TIA1: variants seen among roughly 807,000 people sequenced by gnomAD.
TIA1 encodes the protein cytotoxic granule associated RNA binding protein TIA1.
Under a neutral mutation model 65.9 loss-of-function variants are expected in TIA1, and 23 were observed. The observed-to-expected ratio is 0.35, with a 90% CI of 0.25 to 0.49. The LOEUF is 0.49. TIA1 is among the 20% of genes least tolerant of loss of function. The pLI is 0.98. For synonymous variants in TIA1, 147 were observed against 149.4 expected, an observed-to-expected ratio of 0.98 and a Z score of 0.12; for missense variants, 371 against 477.9, an observed-to-expected ratio of 0.78 and a Z score of 2.09.
At chr2:70,236,262 G>A in intron 1 of TIA1, 87 bp from the exon 2 acceptor site, 5 of 807,242 alleles carry the variant, frequency 6.2e-6, no homozygotes, top group East Asian at 2.8e-5. Context: ...GCAATGGCAC[G>A]ATCTCGGCTC....
At position 70,215,379 on chromosome 2, in the gene TIA1, C is replaced by A. The variant is rs144296151; in HGVS notation, c.880G>T (p.Val294Leu). The A allele has an allele frequency of 6.2e-7, 1 of 1,613,884 alleles. No homozygotes were observed. Among genetic ancestry groups the A allele is most frequent in the Non-Finnish European group, 8.5e-7 (1 of 1,179,950 alleles). ...GTTAAGAACCCTCTCACCTGTTGCA[C>A]GGGATTTATCATATCAAGAGTTTCT... ...GKETLDMINPVQQQNQIGYPQ... is the reference protein window; with the variant it reads ...GKETLDMINPLQQQNQIGYPQ... The change falls in exon 11 of 13, where the codon GTG becomes TTG. Residue 294 changes from valine (V) to leucine (L), a missense_variant. Transcript: ENST00000433529.
intron 7 of TIA1, 187 bp from the exon 8 acceptor site, chr2:70,217,181 T>C (rs1291477143): frequency 2.2e-6 from 1 of 459,476 alleles, no homozygotes; most frequent in Non-Finnish European, 3.5e-6. Context: ...TTTATTTTAT[T>C]TATTTTTTCA....
intron 8 of TIA1, 46 bp from the exon 9 acceptor site, chr2:70,216,545 T>C: frequency 6.4e-7 from 1 of 1,557,912 alleles, no homozygotes; most frequent in East Asian, 2.2e-5. Context: ...AAATAAAATG[T>C]GCAGAAAGAG....
chr2:70,241,305 G>A (rs1050020333), intron 1 of TIA1, among the ~76,000 whole-genome samples: 15 of 152,100 alleles, frequency 9.9e-5, no homozygotes, highest in African/African-American at 3.6e-4. Flanking sequence ...AGCTGGGCTT[G>A]GTGGCGTGTG....
At chr2:70,237,930 G>C (rs530668658) in intron 1 of TIA1, among the ~76,000 whole-genome samples, 1 of 152,114 alleles carries the variant, frequency 6.6e-6, no homozygotes, top group African/African-American at 2.4e-5. Flanking sequence ...GGGAGGCCGA[G>C]GTGGGCGGAT....
At chr2:70,247,259 A>C (rs1558994059) in intron 1 of TIA1, among the ~76,000 whole-genome samples, 2 of 152,246 alleles carry the variant, frequency 1.3e-5, no homozygotes. Context: ...CAATCTATTA[A>C]GAAAACAAGT....
At chr2:70,241,265 C>A (rs907669090) in intron 1 of TIA1, among the ~76,000 whole-genome samples, 5 of 151,970 alleles carry the variant, frequency 3.3e-5, no homozygotes, top group Admixed American at 6.6e-5. Context: ...CATAGTGAAA[C>A]CCCGTCTCTA....
chr2:70,224,704 C>T (rs1683062877), intron 6 of TIA1, 75 bp from the exon 7 acceptor site: 15 of 1,562,802 alleles, frequency 9.6e-6, no homozygotes, highest in African/African-American at 1.4e-5. Flanking sequence ...TCACACACAA[C>T]TCATTCTCAT....
At chr2:70,232,866 T>C (rs1374195556) in intron 2 of TIA1, among the ~76,000 whole-genome samples, 3 of 150,070 alleles carry the variant, frequency 2.0e-5, no homozygotes, top group Non-Finnish European at 3.0e-5. Context: ...AGACTCTGTC[T>C]CAAAAAAAAA....
At chr2:70,225,948 C>T (rs1558826439) in intron 6 of TIA1, among the ~76,000 whole-genome samples, 1 of 152,222 alleles carries the variant, frequency 6.6e-6, no homozygotes, top group East Asian at 1.9e-4. Context: ...CTGATATTTG[C>T]ACTTTTTAGA....
chr2:70,227,831 G>T lies in TIA1; in HGVS notation c.311-9C>A. 4 of 1,555,566 alleles carry T rather than the reference G, an allele frequency of 2.6e-6. No individual in the cohort carries two copies. The highest frequency in any genetic ancestry group is 1.8e-5 in the Admixed American group (1 of 55,322). On this transcript the variant is annotated splice_polypyrimidine_tract_variant and intron_variant, in intron 5 of 12. Transcript: ENST00000433529. ...AAAGACATGGAAATGATCTTATAAG[G>T]GGAAGGAAGGGGAAGTGAAAAGAAA...
intron 12 of TIA1, among the ~76,000 whole-genome samples, chr2:70,214,037 T>C (rs535010443): frequency 7.2e-5 from 11 of 152,290 alleles, no homozygotes; most frequent in African/African-American, 2.4e-4. Flanking sequence ...ATTCAGGGTG[T>C]ATAAGGAAGC....
In TIA1 at chr2:70,210,944, G is replaced by A. The variant is rs1229143578; in HGVS notation, c.*1775C>T. The A allele has an allele frequency of 6.6e-6, 1 of 152,156 alleles. No individual in the cohort carries two copies. The highest frequency in any genetic ancestry group is 1.5e-5 in the Non-Finnish European group (1 of 68,032). The allele number at this position is 152,156 out of a possible 1,614,324, so 9.4% of individuals were successfully genotyped here. ...CAACTGCATAGAATTGAGCTCCAGA[G>A]AATTATACACTCGAGCTGTCTTTCC... On this transcript the variant is annotated 3_prime_UTR_variant, in exon 13 of 13. Coordinates refer to ENST00000433529, the MANE Select transcript of TIA1 (RefSeq NM_022173.4).
chr2:70,221,170 C>T (rs1681154926), intron 7 of TIA1, among the ~76,000 whole-genome samples: 1 of 152,070 alleles, frequency 6.6e-6, no homozygotes. Flanking sequence ...CCATGCCTGG[C>T]TAATTTTTCT....
intron 2 of TIA1, among the ~76,000 whole-genome samples, chr2:70,235,095 G>A (rs1688201773): frequency 6.6e-6 from 1 of 151,964 alleles, no homozygotes; most frequent in African/African-American, 2.4e-5. Flanking sequence ...GGGACAAAAG[G>A]ATTTCTCTTT....
chr2:70,239,931 C>T (rs1690930048), intron 1 of TIA1, among the ~76,000 whole-genome samples: 1 of 152,104 alleles, frequency 6.6e-6, no homozygotes, highest in African/African-American at 2.4e-5. Flanking sequence ...GAAAAGTTCT[C>T]CTTTACAGGA....
chr2:70,214,264 C>A (rs111372328), intron 12 of TIA1, 85 bp downstream of exon 12: 13 of 1,457,840 alleles, frequency 8.9e-6, no homozygotes, highest in African/African-American at 5.7e-5. Context: ...GCCCTATTAC[C>A]CACTAATTCT....
intron 1 of TIA1, among the ~76,000 whole-genome samples, chr2:70,236,605 CCA>C (rs1202589345): frequency 6.6e-6 from 1 of 151,834 alleles, no homozygotes; most frequent in Admixed American, 6.6e-5. Context: ...ACTAGAGGAA[CCA>C]CCACACCCAG....
At chr2:70,226,522 G>C (rs1023237587) in intron 6 of TIA1, among the ~76,000 whole-genome samples, 1 of 152,076 alleles carries the variant, frequency 6.6e-6, no homozygotes, top group African/African-American at 2.4e-5. Context: ...CAGCAGCAAA[G>C]ATCTAGATCA....
Sources: allele counts gnomAD v4.1 joint callset (sites outside exome capture counted in the v4.1 genomes callset), GRCh38; gene constraint gnomAD v4.1.1; transcripts MANE v1.5; gene names NCBI Gene and HGNC (gene_info 2026-07-23, HGNC 2026-07-21).